The following MYO9A variants were observed in gnomAD, a reference collection of about 807,000 sequenced individuals.
MYO9A encodes the protein myosin IXA.
A neutral mutation model predicts 293.3 loss-of-function variants in MYO9A; 103 were observed. That is an observed-to-expected ratio of 0.35 (90% CI 0.30 to 0.41). The LOEUF is 0.41. Ranked by LOEUF, MYO9A falls within the 10% of genes least tolerant of loss-of-function variation. MYO9A has a pLI of 1.00. For synonymous variants in MYO9A, 1,001 were observed against 1,035.7 expected (o/e 0.97, Z 0.64); for missense variants, 2,685 against 3,033.0 (o/e 0.89, Z 2.69).
Position 71,966,265 on chromosome 15 carries a change from A to AGTGTGTGTGTGTGTGTGTGT in MYO9A, c.1986+1699_1986+1718dup, listed in dbSNP as rs377708464. Among the ~76,000 whole-genome samples the AGTGTGTGTGTGTGTGTGTGT allele has an allele frequency of 6.3e-3, 856 of 134,920 alleles. 17 individuals carry two copies. The highest frequency in any genetic ancestry group is 0.016 in the African/African-American group (543 of 34,856). The allele number at this position is 134,920 out of a possible 152,430, so 88.5% of individuals were successfully genotyped here. A position where few individuals can be genotyped will look rare whatever the true frequency, so the allele number is the denominator to read the frequency against. ...ATAACGCAGATGAATATCCCAGGCA[A>AGTGTGTGTGTGTGTGTGTGT]GTGTGTGTGTGTGTGTGTGTGTGTG... On this transcript the variant is annotated intron_variant, in intron 13 of 41. Transcript: ENST00000356056.
At chr15:71,853,143 A>T (rs1352513674) in intron 35 of MYO9A, among the ~76,000 whole-genome samples, 1 of 150,766 alleles carries the variant, frequency 6.6e-6, no homozygotes, top group South Asian at 2.1e-4. Context: ...AAGCACTGTT[A>T]TACTGCTATA....
At chr15:71,878,495 T>C (rs1235559857) in intron 30 of MYO9A, among the ~76,000 whole-genome samples, 1 of 152,148 alleles carries the variant, frequency 6.6e-6, no homozygotes, top group Non-Finnish European at 1.5e-5. Context: ...CTTCTAAGTG[T>C]GACTTTTTAA....
intron 15 of MYO9A, among the ~76,000 whole-genome samples, chr15:71,946,892 T>C (rs545959022): frequency 8.5e-5 from 13 of 152,322 alleles, no homozygotes; most frequent in Admixed American, 5.2e-4. Flanking sequence ...AGCAGGAGGA[T>C]TGCTTGAAGC....
chr15:71,893,384 G>T, intron 26 of MYO9A: 1 of 420,640 alleles, frequency 2.4e-6, no homozygotes, highest in Non-Finnish European at 4.2e-6. Context: ...TAGAATGGAA[G>T]CTAAATCTAC....
At chr15:72,079,138 T>C (rs1256646585) in intron 1 of MYO9A, among the ~76,000 whole-genome samples, 4 of 152,282 alleles carry the variant, frequency 2.6e-5, no homozygotes, top group African/African-American at 7.2e-5. Context: ...TGGATTAATA[T>C]GGCTCATCAA....
intron 1 of MYO9A, among the ~76,000 whole-genome samples, chr15:72,060,689 T>C (rs1161235199): frequency 1.3e-5 from 2 of 152,220 alleles, no homozygotes; most frequent in Non-Finnish European, 2.9e-5. Context: ...GGTTGGAACC[T>C]GAGTTCTGGC....
At chr15:71,998,267 G>A (rs1363081779) in intron 9 of MYO9A, among the ~76,000 whole-genome samples, 1 of 152,130 alleles carries the variant, frequency 6.6e-6, no homozygotes, top group East Asian at 1.9e-4. Context: ...GAAACTAAAT[G>A]ATGAGAACAC....
chr15:72,025,133 GA>G (rs1365010612), intron 4 of MYO9A, among the ~76,000 whole-genome samples: 1 of 151,576 alleles, frequency 6.6e-6, no homozygotes, highest in African/African-American at 2.4e-5. Context: ...TAAAAAGATG[GA>G]AAAAAAAGTT....
chr15:72,095,530 G>A (rs2080037870), intron 1 of MYO9A, among the ~76,000 whole-genome samples: 1 of 93,056 alleles, frequency 1.1e-5, no homozygotes, highest in African/African-American at 2.6e-5. Flanking sequence ...CATAGTAGCT[G>A]GAGCAAGTTA....
At chr15:71,860,053 A>C (rs2056051386) in intron 33 of MYO9A, among the ~76,000 whole-genome samples, 1 of 152,214 alleles carries the variant, frequency 6.6e-6, no homozygotes, top group South Asian at 2.1e-4. Flanking sequence ...AAAGCTGCTC[A>C]TCCTGCCCCT....
chr15:72,085,691 A>C (rs1163772703), intron 1 of MYO9A, among the ~76,000 whole-genome samples: 2 of 152,238 alleles, frequency 1.3e-5, no homozygotes, highest in African/African-American at 2.4e-5. Flanking sequence ...GGAGAAAAGA[A>C]GGCACTCTGG....
intron 18 of MYO9A, among the ~76,000 whole-genome samples, chr15:71,928,221 G>A (rs1247315337): frequency 1.4e-5 from 2 of 145,854 alleles, no homozygotes; most frequent in Non-Finnish European, 3.0e-5. Flanking sequence ...GGGACTACAG[G>A]CGCCCGCCAC....
intron 18 of MYO9A, among the ~76,000 whole-genome samples, chr15:71,922,574 T>C (rs1382129966): frequency 2.3e-5 from 3 of 133,030 alleles, no homozygotes; most frequent in African/African-American, 8.7e-5. Flanking sequence ...TGAAACATTA[T>C]CCTTTGACCA....
intron 1 of MYO9A, among the ~76,000 whole-genome samples, chr15:72,083,490 G>A (rs1029996480): frequency 3.3e-5 from 5 of 151,994 alleles, no homozygotes; most frequent in Admixed American, 1.3e-4. Flanking sequence ...ATGGTTTTTC[G>A]TGTCTCAATC....
At chr15:71,967,133 C>T (rs1476805175) in intron 13 of MYO9A, among the ~76,000 whole-genome samples, 1 of 152,140 alleles carries the variant, frequency 6.6e-6, no homozygotes, top group African/African-American at 2.4e-5. Context: ...AATTCAAAAT[C>T]CACTATTTTA....
At chr15:71,935,943 A>G (rs2145899154) in intron 16 of MYO9A, among the ~76,000 whole-genome samples, 1 of 151,142 alleles carries the variant, frequency 6.6e-6, no homozygotes, top group East Asian at 1.9e-4. Flanking sequence ...CACTACTCAC[A>G]CACCCATTAA....
intron 15 of MYO9A, among the ~76,000 whole-genome samples, chr15:71,947,283 GAAA>G (rs33945561): frequency 7.8e-6 from 1 of 127,886 alleles, no homozygotes; most frequent in Non-Finnish European, 1.6e-5. Context: ...TCCATCTCAG[GAAA>G]AAAAAAAAAA....
At chr15:71,869,645 A>G (rs1372445530) in intron 32 of MYO9A, among the ~76,000 whole-genome samples, 1 of 152,176 alleles carries the variant, frequency 6.6e-6, no homozygotes, top group South Asian at 2.1e-4. Flanking sequence ...CTGCAATTAT[A>G]TTATGTCAAA....
chr15:71,990,491 C>A lies in MYO9A; in HGVS notation c.1722+612G>T, dbSNP rs537978940. Among the ~76,000 whole-genome samples, 4 of 152,230 alleles carry A rather than the reference C, an allele frequency of 2.6e-5. No individual in the cohort carries two copies. In the East Asian group the frequency reaches 7.8e-4, roughly 30 times the overall value. On this transcript the variant is annotated intron_variant, in intron 11 of 41. Transcript: ENST00000356056. ...AAGATTTAGGCTGGGCGCAGTGGCT[C>A]ACATCTATAATCCCAGCACTTTGGG...
Sources: allele counts gnomAD v4.1 joint callset (sites outside exome capture counted in the v4.1 genomes callset), GRCh38; gene constraint gnomAD v4.1.1; transcripts MANE v1.5; gene names NCBI Gene and HGNC (gene_info 2026-07-23, HGNC 2026-07-21).